NCOA2: variants seen among roughly 807,000 people sequenced by gnomAD.
NCOA2 encodes the protein nuclear receptor coactivator 2.
A neutral mutation model predicts 145.1 loss-of-function variants in NCOA2; 21 were observed. That is an observed-to-expected ratio of 0.14 (90% confidence interval 0.10 to 0.21). NCOA2 has a LOEUF of 0.21. NCOA2 is among the 10% of genes least tolerant of loss of function. The pLI, the probability that NCOA2 is intolerant of heterozygous loss-of-function variation, is 1.00. For missense variants in NCOA2, 1,472 were observed against 1,837.6 expected, an observed-to-expected ratio of 0.80 and a Z score of 3.64; for synonymous variants, 619 against 637.5, an observed-to-expected ratio of 0.97 and a Z score of 0.44.
At chr8:70,371,197 G>T (rs567467108) in intron 1 of NCOA2, among the ~76,000 whole-genome samples, 1 of 152,182 alleles carries the variant, frequency 6.6e-6, no homozygotes, top group East Asian at 1.9e-4. Flanking sequence ...GCTGAGGCAG[G>T]AGAATGGCAT....
At chr8:70,238,001 A>G (rs1821784863) in intron 2 of NCOA2, among the ~76,000 whole-genome samples, 1 of 152,166 alleles carries the variant, frequency 6.6e-6, no homozygotes, top group African/African-American at 2.4e-5. Context: ...ATGACTTGAT[A>G]CTAAAAATAA....
At chr8:70,372,716 A>G (rs184960370) in intron 1 of NCOA2, among the ~76,000 whole-genome samples, 1 of 152,328 alleles carries the variant, frequency 6.6e-6, no homozygotes, top group Admixed American at 6.5e-5. Flanking sequence ...GCATACTATT[A>G]CCACAATATG....
chr8:70,169,471 T>C (rs1044606654), intron 6 of NCOA2, among the ~76,000 whole-genome samples: 1 of 152,212 alleles, frequency 6.6e-6, no homozygotes, highest in Non-Finnish European at 1.5e-5. Flanking sequence ...TACACACCTA[T>C]AATATGCTTC....
Position 70,170,238 on chromosome 8 carries a change from T to G in NCOA2, c.505A>C (p.Thr169Pro), listed in dbSNP as rs1354646144. The G allele has an allele frequency of 6.2e-7, 1 of 1,613,432 alleles. No individual in the cohort carries two copies. The highest frequency in any genetic ancestry group is 8.5e-7 in the Non-Finnish European group (1 of 1,179,754). Residue 169 changes from threonine (T) to proline (P), a missense_variant, in exon 6 of 23, where the codon ACG (threonine) becomes CCG (proline). Transcript: ENST00000452400. ...GGCAGCAGGTTTTTGACAAATTCCG[T>G]GTGGTCCCCAACATGCAAGATGCTA... The part of the protein sequence containing the change: ...VYSILHVGDH[T>P]EFVKNLLPKS...
intron 1 of NCOA2, among the ~76,000 whole-genome samples, chr8:70,300,310 A>C (rs4738087): frequency 0.93 from 141,386 of 152,262 alleles, 65,776 homozygotes; most frequent in East Asian, 1. Context: ...AATTATACTT[A>C]AATTTTTAAA....
intron 1 of NCOA2, among the ~76,000 whole-genome samples, chr8:70,365,311 G>A (rs996299410): frequency 7.2e-5 from 11 of 152,070 alleles, no homozygotes; most frequent in Non-Finnish European, 1.2e-4. Context: ...CAGCCTAGGC[G>A]ACAGAGCGAG....
intron 21 of NCOA2, among the ~76,000 whole-genome samples, chr8:70,121,787 A>G (rs1054673795): frequency 6.6e-6 from 1 of 152,232 alleles, no homozygotes; most frequent in Admixed American, 6.5e-5. Flanking sequence ...TACTTAGGCA[A>G]GTTATTAATT....
intron 1 of NCOA2, among the ~76,000 whole-genome samples, chr8:70,402,954 G>C (rs1235172358): frequency 1.2e-5 from 1 of 82,042 alleles, no homozygotes; most frequent in Non-Finnish European, 2.3e-5. Context: ...GCTCCTTCCC[G>C]TCCGCCCGCG....
the NCOA2 span, among the ~76,000 whole-genome samples, chr8:70,419,334 TTAAA>T: frequency 1.4e-4 from 21 of 152,266 alleles, no homozygotes; most frequent in Middle Eastern, 3.4e-3. Context: ...ATAGCATGTT[TTAAA>T]TAAATAGTCA....
chr8:70,360,589 C>G (rs1810111639), intron 1 of NCOA2, among the ~76,000 whole-genome samples: 1 of 152,032 alleles, frequency 6.6e-6, no homozygotes, highest in Non-Finnish European at 1.5e-5. Context: ...AGAGTTTTCA[C>G]AAAACCATTC....
At chr8:70,446,922 C>G in the NCOA2 span, among the ~76,000 whole-genome samples, 1 of 152,176 alleles carries the variant, frequency 6.6e-6, no homozygotes, top group African/African-American at 2.4e-5. Context: ...TCCTTGGAAG[C>G]TAAATCTGAG....
At chr8:70,359,744 A>G (rs1034514456) in intron 1 of NCOA2, among the ~76,000 whole-genome samples, 1 of 152,146 alleles carries the variant, frequency 6.6e-6, no homozygotes, top group Non-Finnish European at 1.5e-5. Context: ...AATTTTTTTA[A>G]TATCTTCTTT....
At chr8:70,218,229 A>G (rs970897350) in intron 2 of NCOA2, among the ~76,000 whole-genome samples, 1 of 143,294 alleles carries the variant, frequency 7.0e-6, no homozygotes, top group South Asian at 2.2e-4. Context: ...AAAGAGTCAT[A>G]TGTAAGCAGA....
At chr8:70,143,777 TACC>T in intron 13 of NCOA2, among the ~76,000 whole-genome samples, 1 of 152,348 alleles carries the variant, frequency 6.6e-6, no homozygotes, top group African/African-American at 2.4e-5. Context: ...TTAAAACACC[TACC>T]ACTATAAGTT....
chr8:70,309,742 G>A (rs1828164979), intron 1 of NCOA2, among the ~76,000 whole-genome samples: 1 of 151,962 alleles, frequency 6.6e-6, no homozygotes, highest in Admixed American at 6.6e-5. Flanking sequence ...CTTGAACCTA[G>A]GAGTTCCAGA....
intron 2 of NCOA2, among the ~76,000 whole-genome samples, chr8:70,237,619 A>G (rs185804401): frequency 1.8e-4 from 27 of 151,906 alleles, no homozygotes; most frequent in Admixed American, 1.4e-3. Flanking sequence ...AAAATACAAA[A>G]ATTATCCGGG....
intron 4 of NCOA2, among the ~76,000 whole-genome samples, chr8:70,196,694 G>A (rs796423714): frequency 2.0e-5 from 3 of 152,266 alleles, no homozygotes; most frequent in African/African-American, 7.2e-5. Context: ...TAAAGACACA[G>A]CAATAACTAT....
chr8:70,342,754 C>CACTTTTCT (rs1304183323), intron 1 of NCOA2, among the ~76,000 whole-genome samples: 3 of 146,624 alleles, frequency 2.0e-5, no homozygotes, highest in Non-Finnish European at 4.5e-5. Context: ...CAAACTTACA[C>CACTTTTCT]ACTTTTCTTC....
intron 14 of NCOA2, among the ~76,000 whole-genome samples, chr8:70,140,525 T>G (rs1810273566): frequency 6.6e-6 from 1 of 151,834 alleles, no homozygotes; most frequent in Non-Finnish European, 1.5e-5. Context: ...CCCAGGAATC[T>G]GCATTTGAAG....
Sources: gnomAD v4.1 joint callset for allele counts (sites outside exome capture counted in the v4.1 genomes callset) on GRCh38, gnomAD v4.1.1 for gene constraint, MANE v1.5 for transcripts, NCBI Gene and HGNC (gene_info 2026-07-23, HGNC 2026-07-21) for gene names.